CASD1: variants seen among roughly 807,000 people sequenced by gnomAD.
CASD1 encodes the protein N-acetylneuraminate (7)9-O-acetyltransferase.
In CASD1, 41 loss-of-function variants were observed where a neutral mutation model predicts 100.0. The ratio of observed to expected loss-of-function variants is 0.41; its 90% CI spans 0.32 to 0.53. The LOEUF (loss-of-function observed/expected upper bound fraction) is 0.53. Ranked by LOEUF, CASD1 falls within the 20% of genes least tolerant of loss-of-function variation. The probability of loss-of-function intolerance (pLI) is 0.25; values close to 1 mark genes in which losing one functional copy is unlikely to be tolerated. For missense variants in CASD1, 774 were observed against 948.7 expected (o/e 0.82, Z 2.42); for synonymous variants, 321 against 315.6 (o/e 1.02, Z -0.18).
the CASD1 span, among the ~76,000 whole-genome samples, chr7:94,580,084 AC>A: frequency 5.9e-5 from 9 of 152,188 alleles, no homozygotes; most frequent in Non-Finnish European, 1.3e-4. Context: ...AGTCAAAGCT[AC>A]CATTTCTCCA....
chr7:94,619,605 ACT>A, the CASD1 span: 1 of 151,886 alleles, frequency 6.6e-6, no homozygotes, highest in African/African-American at 2.4e-5. Context: ...ACAAATCATC[ACT>A]CTCTATATTC....
chr7:94,628,524 T>A, the CASD1 span: 1 of 577,718 alleles, frequency 1.7e-6, no homozygotes, highest in Non-Finnish European at 3.1e-6. Context: ...GGCACCACGT[T>A]AAAAAAAATC....
the CASD1 span, chr7:94,597,178 T>C: frequency 1.3e-5 from 2 of 152,300 alleles, no homozygotes; most frequent in East Asian, 3.9e-4. Context: ...CCCTGATATA[T>C]TAATGTTTCA....
chr7:94,541,445 T>C (rs1163770704), intron 10 of CASD1, among the ~76,000 whole-genome samples: 1 of 150,000 alleles, frequency 6.7e-6, no homozygotes, highest in Non-Finnish European at 1.5e-5. Context: ...TTTTAAAGTA[T>C]AATATATATG....
At chr7:94,580,734 C>T in the CASD1 span, among the ~76,000 whole-genome samples, 1 of 152,250 alleles carries the variant, frequency 6.6e-6, no homozygotes, top group Non-Finnish European at 1.5e-5. Context: ...TCACAATGCA[C>T]ATAGTGTTTA....
chr7:94,513,172 T>G (rs1584369371), intron 1 of CASD1, among the ~76,000 whole-genome samples: 1 of 151,644 alleles, frequency 6.6e-6, no homozygotes, highest in Non-Finnish European at 1.5e-5. Flanking sequence ...CCTCTTCTTC[T>G]TCAATTAGCT....
chr7:94,546,432 A>G (rs1035917143), intron 12 of CASD1, among the ~76,000 whole-genome samples: 3 of 151,910 alleles, frequency 2.0e-5, no homozygotes, highest in South Asian at 2.1e-4. Context: ...GACTCTTTCA[A>G]CCAAATATTA....
At chr7:94,599,004 T>C in the CASD1 span, 11 of 1,458,684 alleles carry the variant, frequency 7.5e-6, no homozygotes, top group Admixed American at 1.4e-4. Flanking sequence ...TTTAAAATCA[T>C]ATATTAGCCT....
At chr7:94,567,967 T>C in the CASD1 span, among the ~76,000 whole-genome samples, 1 of 152,194 alleles carries the variant, frequency 6.6e-6, no homozygotes, top group African/African-American at 2.4e-5. Context: ...ATAAAGTTCA[T>C]ATGATTCCAA....
In CASD1 at chr7:94,516,153, CAA is replaced by C. The variant is rs34577793; in HGVS notation, c.134-1397_134-1396del. On this transcript the variant is annotated intron_variant, in intron 1 of 17. Transcript: ENST00000297273. ...AGGTTATTAAAAAATCTTTGAAATA[CAA>C]AAAAAAAAACTGCTCAAGCCGTGTA... is the stretch of plus-strand genomic sequence containing the variant. 1.9e-3 allele frequency among the ~76,000 whole-genome samples: 281 copies of C among 147,896 alleles called. 2 individuals are homozygous for C. Among genetic ancestry groups the C allele is most frequent in the African/African-American group, 6.6e-3 (264 of 40,002 alleles).
At chr7:94,526,952 A>G (rs1277570515) in intron 3 of CASD1, among the ~76,000 whole-genome samples, 1 of 152,200 alleles carries the variant, frequency 6.6e-6, no homozygotes, top group Non-Finnish European at 1.5e-5. Context: ...GATGTTGAAA[A>G]TCACATGTAG....
chr7:94,615,365 A>ATAG, the CASD1 span, among the ~76,000 whole-genome samples: 7 of 142,202 alleles, frequency 4.9e-5, no homozygotes, highest in African/African-American at 1.9e-4. Flanking sequence ...TCTCAAAATA[A>ATAG]ATAGATAGAT....
the CASD1 span, chr7:94,585,392 A>T: frequency 3.0e-6 from 3 of 984,440 alleles, no homozygotes; most frequent in Non-Finnish European, 4.9e-6. Flanking sequence ...GCCAACATGC[A>T]TAACATATGC....
the CASD1 span, chr7:94,628,463 TGTAGCCAACTAAATACA>T: frequency 1.1e-6 from 1 of 914,498 alleles, no homozygotes. Context: ...TTCTTACATT[TGTAGCCAACTAAATACA>T]CACATACAAA....
chr7:94,599,070 G>T, the CASD1 span: 2 of 787,178 alleles, frequency 2.5e-6, no homozygotes, highest in Non-Finnish European at 2.1e-6. Context: ...AAAATAATAA[G>T]ACATTATGGC....
rs752914045 is a variant in CASD1, at chr7:94,554,521, T to A, written c.2073T>A (p.Tyr691Ter). 6.8e-6 allele frequency: 11 copies of A among 1,612,326 alleles called. No individual in the cohort carries two copies. Among genetic ancestry groups the A allele is most frequent in the Non-Finnish European group, 5.9e-6 (7 of 1,178,968 alleles). Residue 691 changes from tyrosine to a stop codon, truncating the protein, a stop_gained, in exon 17 of 18, where the codon TAT becomes TAA. Transcript: ENST00000297273. LOFTEE classifies it high-confidence loss of function. ...AFILIRNIPGYARSVYSSFFA... is the reference protein window; with the variant it reads ...AFILIRNIPG ...TCCTAATAAGAAACATCCCTGGATA[T>A]GCCCGTTCAGTTTACAGTTCATTTT... is the stretch of plus-strand genomic sequence containing the variant.
chr7:94,612,562 A>C, the CASD1 span, among the ~76,000 whole-genome samples: 1 of 152,216 alleles, frequency 6.6e-6, no homozygotes, highest in Non-Finnish European at 1.5e-5. Context: ...AGAGTTGGAC[A>C]ACTAAGTTGC....
chr7:94,555,169 T>C (rs1455718111), intron 17 of CASD1, among the ~76,000 whole-genome samples: 1 of 152,126 alleles, frequency 6.6e-6, no homozygotes, highest in Non-Finnish European at 1.5e-5. Context: ...TATATTGTAA[T>C]AACAACATAT....
At chr7:94,521,242 A>G (rs1794251480) in intron 3 of CASD1, among the ~76,000 whole-genome samples, 1 of 152,228 alleles carries the variant, frequency 6.6e-6, no homozygotes. Flanking sequence ...TACAAAATAG[A>G]CTTAACACTA....
Sources: allele counts gnomAD v4.1 joint callset (sites outside exome capture counted in the v4.1 genomes callset), GRCh38; gene constraint gnomAD v4.1.1; transcripts MANE v1.5; gene names NCBI Gene and HGNC (gene_info 2026-07-23, HGNC 2026-07-21).